ADRA1A: variants seen among roughly 807,000 people sequenced by gnomAD.
ADRA1A encodes the protein adrenoceptor alpha 1A.
A neutral mutation model predicts 29.6 loss-of-function variants in ADRA1A; 31 were observed. The observed-to-expected ratio is 1.05, with a 90% CI of 0.79 to 1.41. The LOEUF is 1.41. Ranked by LOEUF, ADRA1A falls within the 40% of genes most tolerant of loss-of-function variation. The pLI is 0.00. For synonymous variants in ADRA1A, 311 were observed against 254.3 expected (o/e 1.22, Z -2.12); for missense variants, 619 against 601.1 (o/e 1.03, Z -0.31).
chr8:26,846,051 A>T (rs1007974042), intron 2 of ADRA1A, among the ~76,000 whole-genome samples: 3 of 152,242 alleles, frequency 2.0e-5, no homozygotes, highest in Non-Finnish European at 4.4e-5. Context: ...TTACAATTTA[A>T]GATGGTTAAA....
chr8:26,749,963 G>A (rs1014564633), intron 2 of ADRA1A, among the ~76,000 whole-genome samples: 2 of 152,174 alleles, frequency 1.3e-5, no homozygotes, highest in Admixed American at 1.3e-4. Context: ...AGGCACATGA[G>A]CATTGAAATT....
intron 2 of ADRA1A, among the ~76,000 whole-genome samples, chr8:26,809,291 T>G (rs1321058716): frequency 6.6e-6 from 1 of 152,220 alleles, no homozygotes; most frequent in East Asian, 1.9e-4. Context: ...TGTCTCTATG[T>G]GTTACTCTGT....
downstream of ADRA1A, among the ~76,000 whole-genome samples, chr8:26,768,456 C>T (rs1027540299): frequency 6.6e-6 from 1 of 152,178 alleles, no homozygotes; most frequent in African/African-American, 2.4e-5. Context: ...TTACCATCTT[C>T]ATCCTTAGTA....
intron 2 of ADRA1A, among the ~76,000 whole-genome samples, chr8:26,771,421 T>A (rs1585651995): frequency 6.6e-6 from 1 of 152,252 alleles, no homozygotes; most frequent in Non-Finnish European, 1.5e-5. Flanking sequence ...TTGATCATTT[T>A]TTTTGTCCTC....
At chr8:26,838,764 A>G (rs548558905) in intron 2 of ADRA1A, among the ~76,000 whole-genome samples, 1 of 152,356 alleles carries the variant, frequency 6.6e-6, no homozygotes, top group South Asian at 2.1e-4. Flanking sequence ...TACTGTGTGC[A>G]AGTCCCTATT....
rs1179456377 is a variant in ADRA1A at position 26,865,858 on chromosome 8, T to A, written c.-686-203A>T. Among the ~76,000 whole-genome samples the A allele has an allele frequency of 1.3e-5, 2 of 152,002 alleles. No individual in the cohort carries two copies. The highest frequency in any genetic ancestry group is 2.9e-5 in the Non-Finnish European group (2 of 67,990). ...TGGGAACCTGCCTAGCGCACTCTACTGAGTCACCTCTGCCCGAGTTCAGGA... is the reference window on the plus strand; with the variant it reads ...TGGGAACCTGCCTAGCGCACTCTACAGAGTCACCTCTGCCCGAGTTCAGGA... On this transcript the variant is annotated intron_variant, in intron 1 of 2. Coordinates refer to ENST00000380573, the MANE Select transcript of ADRA1A (RefSeq NM_000680.4). The surrounding 1 kb of genome is among the most constrained non-coding windows in gnomAD (Gnocchi z 7.6).
At chr8:26,790,310 A>T (rs1323702026) in intron 2 of ADRA1A, among the ~76,000 whole-genome samples, 2 of 152,198 alleles carry the variant, frequency 1.3e-5, no homozygotes, top group East Asian at 3.8e-4. Flanking sequence ...TTGTGGCAAC[A>T]TGGATGAGCC....
rs774558147 is a variant in ADRA1A at position 26,864,373 on chromosome 8, G to A, written c.597C>T (p.Ile199=). 23 of 1,613,952 alleles carry A rather than the reference G, an allele frequency of 1.4e-5. No individual in the cohort carries two copies. Among genetic ancestry groups the A allele is most frequent in the Non-Finnish European group, 1.9e-5 (23 of 1,180,026 alleles). The change falls in exon 2 of 3, where the codon ATC becomes ATT. Residue 199 remains isoleucine, a synonymous_variant. Coordinates refer to ENST00000380573, the MANE Select transcript of ADRA1A (RefSeq NM_000680.4). The surrounding 1 kb of genome is among the most constrained non-coding windows in gnomAD (Gnocchi z 8.1). ...AGACGCGGCAGTACATGACCAGGAT[G>A]ATGGCCAGAGGCAGGTAGAAGGAGC... ...ALGSFYLPLA[I]ILVMYCRVYV...
At chr8:26,813,945 C>T (rs1237237427) in intron 2 of ADRA1A, among the ~76,000 whole-genome samples, 1 of 152,140 alleles carries the variant, frequency 6.6e-6, no homozygotes, top group Admixed American at 6.6e-5. Context: ...TGACATGGAC[C>T]TGCCAAGCCA....
intron 2 of ADRA1A, among the ~76,000 whole-genome samples, chr8:26,802,883 T>C (rs1395752910): frequency 6.6e-6 from 1 of 152,190 alleles, no homozygotes; most frequent in African/African-American, 2.4e-5. Flanking sequence ...AATGGAATAC[T>C]ATTCAGCCAT....
Position 26,821,627 on chromosome 8 carries a change from T to C in ADRA1A, c.883+42460A>G, listed in dbSNP as rs1210294567. On this transcript the variant is annotated intron_variant, in intron 2 of 2. Transcript: ENST00000380573. The surrounding 1 kb of genome is among the most constrained non-coding windows in gnomAD (Gnocchi z 5.6). The stretch of plus-strand genomic sequence containing the variant: ...TACCAGGTTTCATCCAATGGCAACA[T>C]CTTGCAAAACTACGGTACAATATCA... Among the ~76,000 whole-genome samples, 1 of 152,154 alleles carries C rather than the reference T, an allele frequency of 6.6e-6. No individual in the cohort carries two copies. The highest frequency in any genetic ancestry group is 2.4e-5 in the African/African-American group (1 of 41,430).
At position 26,866,998 on chromosome 8, in the gene ADRA1A, G is replaced by T; in HGVS notation, c.-749C>A. The T allele has an allele frequency of 6.1e-6, 6 of 985,232 alleles. No individual in the cohort carries two copies. The highest frequency in any genetic ancestry group is 7.2e-6 in the Non-Finnish European group (6 of 829,928). The allele number at this position is 985,232 out of a possible 1,614,324, so 61.0% of individuals were successfully genotyped here. A position where few individuals can be genotyped will look rare whatever the true frequency, so the allele number is the denominator to read the frequency against. On this transcript the variant is annotated 5_prime_UTR_variant, in exon 1 of 3. Transcript: ENST00000380573. The surrounding 1 kb of genome is among the most constrained non-coding windows in gnomAD (Gnocchi z 5.7). ...GGGATGTGGACCCGGCTTCGGTCCC[G>T]GGAGCTGCCTGCCTGCTCTTCTCTG... is the stretch of plus-strand genomic sequence containing the variant.
rs1221258294 is a variant in ADRA1A at position 26,860,980 on chromosome 8, T to A, written c.883+3107A>T. Among the ~76,000 whole-genome samples, 1 of 152,178 alleles carries A rather than the reference T, an allele frequency of 6.6e-6. No individual in the cohort carries two copies. The highest frequency in any genetic ancestry group is 1.5e-5 in the Non-Finnish European group (1 of 68,030). The stretch of plus-strand genomic sequence containing the variant: ...AGTTGTCTATTTTCCCTGTTCCCAC[T>A]TTTTTTATCCTTTGTTCTTTCTAGA... On this transcript the variant is annotated intron_variant, in intron 2 of 2. Coordinates refer to ENST00000380573, the MANE Select transcript of ADRA1A (RefSeq NM_000680.4). The surrounding 1 kb of genome is among the most constrained non-coding windows in gnomAD (Gnocchi z 4.7).
rs1008381866 is a variant in ADRA1A, at chr8:26,823,231, T to C, written c.883+40856A>G. On this transcript the variant is annotated intron_variant, in intron 2 of 2. Transcript: ENST00000380573. This position sits in a 1 kb window ranked among gnomAD's most constrained non-coding sequence, Gnocchi z 4.2. ...CTAGCCTTTCTGCAAAGTGTGCTCTTGTCTGTGACACATGCTTCTTTGGCC... is the reference window on the plus strand; with the variant it reads ...CTAGCCTTTCTGCAAAGTGTGCTCTCGTCTGTGACACATGCTTCTTTGGCC... Among the ~76,000 whole-genome samples, 2 of 152,202 alleles carry C rather than the reference T, an allele frequency of 1.3e-5. No individual in the cohort carries two copies. Among genetic ancestry groups the C allele is most frequent in the African/African-American group, 4.8e-5 (2 of 41,446 alleles).
intron 2 of ADRA1A, among the ~76,000 whole-genome samples, chr8:26,826,309 G>T (rs968161941): frequency 6.6e-6 from 1 of 152,210 alleles, no homozygotes; most frequent in Non-Finnish European, 1.5e-5. Context: ...AGGGACCCAG[G>T]CTCCTTCCAC....
intron 2 of ADRA1A, among the ~76,000 whole-genome samples, chr8:26,774,088 C>G (rs1038140238): frequency 2.4e-4 from 36 of 152,338 alleles, no homozygotes; most frequent in African/African-American, 7.7e-4. Flanking sequence ...GCTTATGCTT[C>G]CAGACCAGAG....
chr8:26,840,336 A>G (rs911511633), intron 2 of ADRA1A, among the ~76,000 whole-genome samples: 1 of 152,106 alleles, frequency 6.6e-6, no homozygotes, highest in African/African-American at 2.4e-5. Flanking sequence ...TGTTGCATGC[A>G]ATATTTTTCT....
chr8:26,789,397 A>T (rs1007379251), intron 2 of ADRA1A, among the ~76,000 whole-genome samples: 9 of 152,212 alleles, frequency 5.9e-5, no homozygotes, highest in Admixed American at 2.0e-4. Context: ...GCTGCCAAGA[A>T]CATACAGTGG....
chr8:26,771,553 G>A (rs148002962), intron 2 of ADRA1A, among the ~76,000 whole-genome samples: 1 of 152,356 alleles, frequency 6.6e-6, no homozygotes, highest in African/African-American at 2.4e-5. Context: ...CGCAGAGACT[G>A]CCACAGGGCA....
Sources: allele counts gnomAD v4.1 joint callset (sites outside exome capture counted in the v4.1 genomes callset), GRCh38; gene constraint gnomAD v4.1.1; non-coding constraint Gnocchi (gnomAD v3.1); transcripts MANE v1.5; gene names NCBI Gene and HGNC (gene_info 2026-07-23, HGNC 2026-07-21).